The following LRFN5 variants were observed in gnomAD, a reference collection of about 807,000 sequenced individuals.
LRFN5 encodes the protein leucine-rich repeat and fibronectin type-III domain-containing protein 5.
A neutral mutation model predicts 45.6 loss-of-function variants in LRFN5; 24 were observed. The ratio of observed to expected loss-of-function variants is 0.53; its 90% CI spans 0.38 to 0.74. The LOEUF is 0.74. LRFN5 is among the 30% of genes least tolerant of loss of function. LRFN5 has a pLI of 0.00. For synonymous variants in LRFN5, 340 were observed against 313.8 expected, an observed-to-expected ratio of 1.08 and a Z score of -0.88; for missense variants, 776 against 861.5, an observed-to-expected ratio of 0.90 and a Z score of 1.24.
intron 1 of LRFN5, chr14:41,700,427 A>G (rs981875060): frequency 6.6e-6 from 1 of 152,134 alleles, no homozygotes; most frequent in Admixed American, 6.6e-5. Flanking sequence ...GTTACAAGGC[A>G]TGGTTATATG....
At chr14:41,689,745 A>C (rs542758733) in intron 1 of LRFN5, among the ~76,000 whole-genome samples, 5,002 of 151,010 alleles carry the variant, frequency 0.033, 141 homozygotes, top group African/African-American at 0.084. Context: ...ATACAAAAAA[A>C]TTAGCCGGGC....
intron 1 of LRFN5, among the ~76,000 whole-genome samples, chr14:41,732,327 G>C (rs1884215559): frequency 6.6e-6 from 1 of 152,152 alleles, no homozygotes. Flanking sequence ...ATTGTTGTAA[G>C]TCTTCTGCTT....
chr14:41,655,077 G>T (rs1172061354), intron 1 of LRFN5, among the ~76,000 whole-genome samples: 1 of 151,986 alleles, frequency 6.6e-6, no homozygotes, highest in Non-Finnish European at 1.5e-5. Context: ...TCAGTCGTTT[G>T]TTCAACATGT....
chr14:41,839,752 A>G lies in LRFN5; in HGVS notation c.-20-46854A>G, dbSNP rs148757154. Among the ~76,000 whole-genome samples the G allele has an allele frequency of 1.1e-4, 16 of 152,210 alleles. No homozygotes were observed. In the East Asian group the frequency reaches 2.5e-3, roughly 24 times the overall value. ...GATCAGCTTTCTCTTCCTGATCTAAATACCTGTGAAGCTATTGCTATACCC... is the reference window on the plus strand; with the variant it reads ...GATCAGCTTTCTCTTCCTGATCTAAGTACCTGTGAAGCTATTGCTATACCC... On this transcript the variant is annotated intron_variant, in intron 2 of 5. Transcript: ENST00000298119.
Position 41,887,654 on chromosome 14 carries a change from C to A in LRFN5, c.1029C>A (p.Asp343Glu), listed in dbSNP as rs1424977769. 6.2e-7 allele frequency: 1 copy of A among 1,614,190 alleles called. No individual in the cohort carries two copies. The highest frequency in any genetic ancestry group is 1.1e-5 in the South Asian group (1 of 91,090). The change falls in exon 3 of 6, where the codon GAC becomes GAA. Residue 343 changes from aspartate to glutamate, a missense_variant. Asp to Glu is a conservative substitution (Grantham distance 45, BLOSUM62 2). Around this residue, in one of 2 missense-constraint regions of LRFN5, gnomAD observed 465 missense variants for 456.4 expected, o/e 1.02. Transcript: ENST00000298119. The surrounding 1 kb of genome is among the most constrained non-coding windows in gnomAD (Gnocchi z 4.8). ...TGGTGTATGATAACGGAACACTTGACATTCTTATCACAACTGTAAAGGATA... is the reference window on the plus strand; with the variant it reads ...TGGTGTATGATAACGGAACACTTGAAATTCTTATCACAACTGTAAAGGATA... Reference protein sequence around the residue: ...RSLVYDNGTLDILITTVKDTG... With the variant: ...RSLVYDNGTLEILITTVKDTG...
chr14:41,746,393 C>T (rs1046231208), intron 1 of LRFN5, among the ~76,000 whole-genome samples: 1 of 151,908 alleles, frequency 6.6e-6, no homozygotes, highest in Non-Finnish European at 1.5e-5. Flanking sequence ...AAATATCATA[C>T]TCAGTGGGGC....
chr14:41,893,481 T>C, intron 4 of LRFN5: 2 of 984,656 alleles, frequency 2.0e-6, no homozygotes, highest in Non-Finnish European at 2.4e-6. Context: ...TATCATAAGA[T>C]AGGTACTTTA....
At chr14:41,792,027 T>C (rs1435261779) in intron 2 of LRFN5, among the ~76,000 whole-genome samples, 3 of 152,092 alleles carry the variant, frequency 2.0e-5, no homozygotes, top group Admixed American at 6.6e-5. Context: ...GTTCTTTCTA[T>C]TTTCCATAAG....
rs372282479 is a variant in LRFN5, at chr14:41,755,268, A to G, written c.-196-11586A>G. Among the ~76,000 whole-genome samples the G allele has an allele frequency of 3.6e-4, 55 of 152,318 alleles. 1 individual carries two copies. The East Asian group carries it at 7.5e-3, about 21-fold the overall frequency. On this transcript the variant is annotated intron_variant, in intron 1 of 5. Coordinates refer to ENST00000298119, the MANE Select transcript of LRFN5 (RefSeq NM_152447.5). ...TGATTTGGGGTGGAGAGTTCTGTAG[A>G]TGTCTATTAGGTCCGCTTGGTGCAG...
chr14:41,794,167 A>G (rs1341448927), intron 2 of LRFN5, among the ~76,000 whole-genome samples: 2 of 152,050 alleles, frequency 1.3e-5, no homozygotes, highest in Non-Finnish European at 2.9e-5. Context: ...TTTACTGTTT[A>G]CATTCTAGGA....
At chr14:41,806,876 T>C (rs1887544101) in intron 2 of LRFN5, among the ~76,000 whole-genome samples, 2 of 152,086 alleles carry the variant, frequency 1.3e-5, no homozygotes, top group African/African-American at 2.4e-5. Flanking sequence ...AGACTAAACC[T>C]TTAACAGTCA....
rs191934954 is a variant in LRFN5, at chr14:41,902,797, T to C, written c.2143-1361T>C. ...TAACTTGACCTTTGATATAGTATCA[T>C]AACACCTTTTTTGTGTCAAAGGGAG... is the stretch of plus-strand genomic sequence containing the variant. On this transcript the variant is annotated intron_variant, in intron 5 of 5. Transcript: ENST00000298119. 2.6e-5 allele frequency among the ~76,000 whole-genome samples: 4 copies of C among 151,944 alleles called. No homozygotes were observed. In the East Asian group the frequency reaches 5.8e-4, roughly 22 times the overall value.
chr14:41,868,270 G>T (rs907213261), intron 2 of LRFN5, among the ~76,000 whole-genome samples: 72 of 152,078 alleles, frequency 4.7e-4, no homozygotes, highest in African/African-American at 1.6e-3. Flanking sequence ...AGATGACAAG[G>T]TTCTAAATAT....
intron 2 of LRFN5, among the ~76,000 whole-genome samples, chr14:41,813,583 C>A (rs1307878765): frequency 6.6e-6 from 1 of 152,030 alleles, no homozygotes; most frequent in African/African-American, 2.4e-5. Context: ...TTTTCTTATC[C>A]ATCTATCATT....
At chr14:41,652,285 G>GTAAATTAT (rs1356882266) in intron 1 of LRFN5, among the ~76,000 whole-genome samples, 4 of 151,842 alleles carry the variant, frequency 2.6e-5, no homozygotes, top group African/African-American at 9.7e-5. Context: ...TCATTTCTAT[G>GTAAATTAT]ATATTCCTAG....
intron 2 of LRFN5, among the ~76,000 whole-genome samples, chr14:41,853,147 T>C (rs1889330646): frequency 6.6e-6 from 1 of 152,034 alleles, no homozygotes; most frequent in Non-Finnish European, 1.5e-5. Flanking sequence ...AGAATGAAGA[T>C]GGATCCATTA....
intron 2 of LRFN5, among the ~76,000 whole-genome samples, chr14:41,843,866 A>G (rs1416409338): frequency 6.6e-6 from 1 of 152,242 alleles, no homozygotes; most frequent in Non-Finnish European, 1.5e-5. Context: ...TTCATAAACA[A>G]GTAACAATAT....
At chr14:41,831,337 TATA>T (rs1400322744) in intron 2 of LRFN5, among the ~76,000 whole-genome samples, 2 of 152,182 alleles carry the variant, frequency 1.3e-5, no homozygotes, top group Non-Finnish European at 2.9e-5. Context: ...ATGAGTAAAG[TATA>T]ATAATTTTGT....
At chr14:41,892,980 A>G (rs1890833190) in intron 4 of LRFN5, 3 of 985,130 alleles carry the variant, frequency 3.0e-6, no homozygotes, top group Admixed American at 1.2e-4. Context: ...GTTTATTTTT[A>G]TCACCAAGTA....
Sources: allele counts gnomAD v4.1 joint callset (sites outside exome capture counted in the v4.1 genomes callset), GRCh38; gene constraint gnomAD v4.1.1; regional missense constraint gnomAD v4.1.1; non-coding constraint Gnocchi (gnomAD v3.1); transcripts MANE v1.5; gene names NCBI Gene and HGNC (gene_info 2026-07-23, HGNC 2026-07-21).